The following WDR27 variants were observed in gnomAD, a reference collection of about 807,000 sequenced individuals.
The protein encoded by WDR27 is WD repeat-containing protein 27.
A neutral mutation model predicts 114.4 loss-of-function variants in WDR27; 100 were observed. The observed-to-expected ratio is 0.87, with a 90% CI of 0.74 to 1.03. The LOEUF (loss-of-function observed/expected upper bound fraction) is 1.03. WDR27 is among the 50% of genes least tolerant of loss of function. The pLI is 0.00. For synonymous variants in WDR27, 449 were observed against 423.1 expected (o/e 1.06, Z -0.75); for missense variants, 1,129 against 1,092.9 (o/e 1.03, Z -0.47).
chr6:169,634,646 T>C, intron 19 of WDR27, 121 bp from the exon 20 acceptor site: 1 of 646,014 alleles, frequency 1.5e-6, no homozygotes, highest in Non-Finnish European at 2.6e-6. Context: ...AAATCATATT[T>C]TATGATACTG....
At chr6:169,581,025 A>G (rs961857428) in intron 24 of WDR27, among the ~76,000 whole-genome samples, 1 of 150,956 alleles carries the variant, frequency 6.6e-6, no homozygotes. Flanking sequence ...ATACGTATAC[A>G]TAACTGGTTT....
At chr6:169,532,496 ACAGAG>A (rs1433303948) in intron 25 of WDR27, among the ~76,000 whole-genome samples, 2 of 152,190 alleles carry the variant, frequency 1.3e-5, no homozygotes, top group Non-Finnish European at 2.9e-5. Flanking sequence ...CATAACTTGA[ACAGAG>A]CAGAGGGAAC....
In WDR27 at chr6:169,460,555, A is replaced by G. The variant is rs73036302; in HGVS notation, c.2646-2921T>C. On this transcript the variant is annotated intron_variant, in intron 25 of 25. Transcript: ENST00000448612. The stretch of plus-strand genomic sequence containing the variant: ...AAAAACTATCAGGTATATTGAAAAC[A>G]AACAGAAACATGACAGTAGTTAAGT... Among the ~76,000 whole-genome samples, 867 of 152,324 alleles carry G rather than the reference A, an allele frequency of 5.7e-3. 4 individuals carry two copies. Among genetic ancestry groups the G allele is most frequent in the South Asian group, 0.013 (61 of 4,832 alleles).
intron 21 of WDR27, among the ~76,000 whole-genome samples, chr6:169,615,366 C>T (rs761401751): frequency 1.3e-5 from 2 of 152,166 alleles, no homozygotes; most frequent in Non-Finnish European, 2.9e-5. Context: ...TTCTGCTCCT[C>T]TCCCTCCTCC....
intron 2 of WDR27, among the ~76,000 whole-genome samples, chr6:169,679,365 T>C (rs1780875901): frequency 6.6e-6 from 1 of 152,102 alleles, no homozygotes; most frequent in Non-Finnish European, 1.5e-5. Flanking sequence ...TGGGGGACTG[T>C]TGGAAAGACA....
chr6:169,538,306 ATGAAACTTCTTTTCAACAGCC>A (rs1454903117), intron 25 of WDR27, among the ~76,000 whole-genome samples: 1 of 152,148 alleles, frequency 6.6e-6, no homozygotes, highest in Non-Finnish European at 1.5e-5. Flanking sequence ...TTAGAGTAGC[ATGAAACTTCTTTTCAACAGCC>A]TGTACTCTTA....
Position 169,664,268 on chromosome 6 carries a change from T to A in WDR27, c.802A>T (p.Met268Leu), listed in dbSNP as rs765900904. 1 of 1,613,896 alleles carries A rather than the reference T, an allele frequency of 6.2e-7. No homozygotes were observed. The highest frequency in any genetic ancestry group is 2.2e-5 in the East Asian group (1 of 44,880). Residue 268 changes from methionine to leucine, a missense_variant, in exon 8 of 26, where the codon ATG (methionine) becomes TTG (leucine). By Grantham distance (15) the Met-to-Leu change is conservative. Transcript: ENST00000448612. ...ACACGACGATAATGGTGTCCATCCATCAAACTGAAGATCCAAAGCTACAAA... is the reference window on the plus strand; with the variant it reads ...ACACGACGATAATGGTGTCCATCCAACAAACTGAAGATCCAAAGCTACAAA... ...ADGQLWIFSL[M>L]DGHHYRRVAR...
At chr6:169,695,412 C>A (rs1785640391) in intron 1 of WDR27, among the ~76,000 whole-genome samples, 1 of 152,214 alleles carries the variant, frequency 6.6e-6, no homozygotes, top group Non-Finnish European at 1.5e-5. Context: ...ATGTCAAATG[C>A]TGAAACATCA....
At chr6:169,602,137 C>T in intron 23 of WDR27, 82 bp downstream of exon 23, 1 of 1,037,740 alleles carries the variant, frequency 9.6e-7, no homozygotes, top group Non-Finnish European at 1.4e-6. Context: ...GGTTTCTATC[C>T]TAATATGCAA....
chr6:169,444,955 C>T, the WDR27 span, among the ~76,000 whole-genome samples: 1 of 152,104 alleles, frequency 6.6e-6, no homozygotes, highest in Non-Finnish European at 1.5e-5. Flanking sequence ...ACAATACTAT[C>T]CCTTACCTGT....
the WDR27 span, among the ~76,000 whole-genome samples, chr6:169,437,919 T>G: frequency 6.6e-6 from 1 of 152,132 alleles, no homozygotes; most frequent in African/African-American, 2.4e-5. Flanking sequence ...TAAACTTTTA[T>G]GTTAGATTCA....
chr6:169,604,906 T>G (rs1459646456), intron 22 of WDR27, among the ~76,000 whole-genome samples: 1 of 151,766 alleles, frequency 6.6e-6, no homozygotes, highest in Non-Finnish European at 1.5e-5. Context: ...CATCTCTTCA[T>G]AAAAATCCTC....
intron 13 of WDR27, among the ~76,000 whole-genome samples, chr6:169,655,686 G>C (rs1823964760): frequency 6.6e-6 from 1 of 152,160 alleles, no homozygotes; most frequent in Non-Finnish European, 1.5e-5. Flanking sequence ...CCCCTGCCTG[G>C]CCTGACAACT....
At chr6:169,621,413 T>C (rs1465581035) in intron 21 of WDR27, among the ~76,000 whole-genome samples, 1 of 149,326 alleles carries the variant, frequency 6.7e-6, no homozygotes, top group Non-Finnish European at 1.5e-5. Context: ...TGCCTATACA[T>C]ACACACACGC....
intron 1 of WDR27, among the ~76,000 whole-genome samples, chr6:169,695,935 G>T (rs908054738): frequency 1.4e-4 from 21 of 152,178 alleles, no homozygotes; most frequent in Non-Finnish European, 1.6e-4. Flanking sequence ...GAGGCCTGTG[G>T]TGGCCCTAGA....
At chr6:169,429,472 T>C in the WDR27 span, among the ~76,000 whole-genome samples, 5 of 151,532 alleles carry the variant, frequency 3.3e-5, no homozygotes, top group Non-Finnish European at 7.4e-5. Context: ...TAGTTTGTCA[T>C]TGAAAGACTT....
At chr6:169,668,999 G>T (rs1585049681) in intron 4 of WDR27, among the ~76,000 whole-genome samples, 1 of 152,194 alleles carries the variant, frequency 6.6e-6, no homozygotes, top group East Asian at 1.9e-4. Flanking sequence ...GGAATAGGGA[G>T]AGTTATGACA....
At chr6:169,483,271 G>A (rs920927388) in intron 25 of WDR27, among the ~76,000 whole-genome samples, 3 of 151,978 alleles carry the variant, frequency 2.0e-5, no homozygotes, top group Non-Finnish European at 4.4e-5. Flanking sequence ...ATTAGTAAGA[G>A]ACTGCTAGCT....
At position 169,602,245 on chromosome 6, in the gene WDR27, C is replaced by T. The variant is rs748691978; in HGVS notation, c.2398G>A (p.Ala800Thr). 64 of 1,561,718 alleles carry T rather than the reference C, an allele frequency of 4.1e-5. No individual in the cohort carries two copies. The highest frequency in any genetic ancestry group is 2.1e-4 in the Admixed American group (11 of 52,866). Reference protein sequence around the residue: ...GIAFSPCGRFAACGAEDRHAY... With the variant: ...GIAFSPCGRFTACGAEDRHAY... ...TGTCTGTCCTCGGCCCCACAAGCCG[C>T]GAATCGTCCACAAGGACTGAAAGCG... Residue 800 changes from alanine to threonine, a missense_variant, in exon 23 of 26, where the codon GCG (alanine) becomes ACG (threonine). By Grantham distance (58) the Ala-to-Thr change is moderately conservative (BLOSUM62 0). Coordinates refer to ENST00000448612, the MANE Select transcript of WDR27 (RefSeq NM_182552.5).
Sources: gnomAD v4.1 joint callset for allele counts (sites outside exome capture counted in the v4.1 genomes callset) on GRCh38, gnomAD v4.1.1 for gene constraint, MANE v1.5 for transcripts, NCBI Gene and HGNC (gene_info 2026-07-23, HGNC 2026-07-21) for gene names.